Variants in ATAD3B observed in about 807,000 individuals in gnomAD.
ATAD3B encodes ATPase family AAA domain-containing protein 3B.
In ATAD3B, 59 loss-of-function variants were observed where a neutral mutation model predicts 70.2. The observed-to-expected ratio is 0.84, with a 90% CI of 0.68 to 1.04. The LOEUF (loss-of-function observed/expected upper bound fraction) is 1.04, where lower values mean the gene tolerates loss of function less well. Ranked by LOEUF, ATAD3B falls within the 50% of genes least tolerant of loss-of-function variation. The pLI, the probability that ATAD3B is intolerant of heterozygous loss-of-function variation, is 0.00. For missense variants in ATAD3B, 961 were observed against 913.4 expected (o/e 1.05, Z -0.67); for synonymous variants, 423 against 388.6 (o/e 1.09, Z -1.04).
chr1:1,492,036 A>G (rs1640564925), intron 15 of ATAD3B, among the ~76,000 whole-genome samples: 1 of 151,954 alleles, frequency 6.6e-6, no homozygotes, highest in South Asian at 2.1e-4. Flanking sequence ...AAATGAAAAA[A>G]TTGGCCGGAC....
chr1:1,494,037 G>A (rs1387748602), intron 15 of ATAD3B, among the ~76,000 whole-genome samples: 1 of 151,988 alleles, frequency 6.6e-6, no homozygotes. Context: ...TCAGGTCCAG[G>A]TCTTCTCTTT....
chr1:1,492,956 AAG>A (rs200430341), intron 15 of ATAD3B, among the ~76,000 whole-genome samples: 3,181 of 150,958 alleles, frequency 0.021, 143 homozygotes, highest in African/African-American at 0.073. Context: ...AAAAAAAAGA[AAG>A]AAATTAACCT....
At chr1:1,489,332 G>C (rs527434054) in intron 13 of ATAD3B, 58 bp downstream of exon 13, 28 of 1,609,886 alleles carry the variant, frequency 1.7e-5, no homozygotes, top group African/African-American at 9.4e-5. Context: ...CGTCGCCCTT[G>C]GTTCCCACTG....
chr1:1,498,101 G>T (rs1484371022), downstream of ATAD3B, among the ~76,000 whole-genome samples: 4 of 151,648 alleles, frequency 2.6e-5, no homozygotes, highest in Admixed American at 2.6e-4. Flanking sequence ...TCAGGAGTTC[G>T]AGACCAGCCC....
intron 15 of ATAD3B, among the ~76,000 whole-genome samples, chr1:1,491,633 G>C (rs1428920024): frequency 1.3e-5 from 2 of 152,050 alleles, no homozygotes; most frequent in African/African-American, 4.8e-5. Context: ...CGCCTCTGGG[G>C]TCCGCAGAGT....
Position 1,471,784 on chromosome 1 carries a change from C to T in ATAD3B, c.-101C>T. 4.1e-6 allele frequency: 5 copies of T among 1,218,708 alleles called. No homozygotes were observed. The East Asian group carries it at 1.0e-4, about 25-fold the overall frequency. The allele number at this position is 1,218,708 out of a possible 1,614,324, so 75.5% of individuals were successfully genotyped here. On this transcript the variant is annotated 5_prime_UTR_variant, in exon 1 of 16. Coordinates refer to ENST00000673477, the MANE Select transcript of ATAD3B (RefSeq NM_031921.6). Reference sequence around the variant, plus strand: ...GTGTGTGTTTCGCCTGCGCAGTGGTCCTGGCCACCGGCTCGCGGCGCGTGG... The same window carrying T: ...GTGTGTGTTTCGCCTGCGCAGTGGTTCTGGCCACCGGCTCGCGGCGCGTGG...
At chr1:1,480,183 A>ACCCCCCCCCCCCCCCCCCCCC in intron 4 of ATAD3B, among the ~76,000 whole-genome samples, 1 of 97,238 alleles carries the variant, frequency 1.0e-5, no homozygotes, top group East Asian at 3.9e-4. Flanking sequence ...ACGAGGGCAC[A>ACCCCCCCCCCCCCCCCCCCCC]CCCCCACCCC....
intron 15 of ATAD3B, among the ~76,000 whole-genome samples, chr1:1,493,346 C>T (rs1557431027): frequency 6.6e-6 from 1 of 151,998 alleles, no homozygotes. Flanking sequence ...CAGTTTTTCA[C>T]CACTGAGTAT....
chr1:1,505,416 C>CA, the ATAD3B span, among the ~76,000 whole-genome samples: 1 of 152,232 alleles, frequency 6.6e-6, no homozygotes, highest in Non-Finnish European at 1.5e-5. Context: ...CGCTGAAGCA[C>CA]AGCATCACAG....
At position 1,497,268 on chromosome 1, in the gene ATAD3B, GGT is replaced by G; in HGVS notation, c.*1455_*1456del. On this transcript the variant is annotated 3_prime_UTR_variant, in exon 16 of 16. Transcript: ENST00000673477. ...CTCTGAGCCCAGGCTGGAGTGCAGTGGTGTGATTATAGCTCACTGCAGCCTCG... is the reference window on the plus strand; with the variant it reads ...CTCTGAGCCCAGGCTGGAGTGCAGTGGTGATTATAGCTCACTGCAGCCTCG... The G allele has an allele frequency of 6.7e-6, 1 of 149,926 alleles. No homozygotes were observed. Among genetic ancestry groups the G allele is most frequent in the South Asian group, 2.2e-4 (1 of 4,650 alleles). The allele number at this position is 149,926 out of a possible 1,614,324, so 9.3% of individuals were successfully genotyped here. A position where few individuals can be genotyped will look rare whatever the true frequency, so the allele number is the denominator to read the frequency against.
chr1:1,507,271 T>G, the ATAD3B span, among the ~76,000 whole-genome samples: 549 of 152,292 alleles, frequency 3.6e-3, 7 homozygotes, highest in African/African-American at 0.013. Context: ...AGGAAAAGCT[T>G]CCAGTTTTTC....
chr1:1,481,797 C>G (rs1290403467), intron 5 of ATAD3B, among the ~76,000 whole-genome samples: 2 of 151,956 alleles, frequency 1.3e-5, no homozygotes, highest in African/African-American at 4.8e-5. Flanking sequence ...GCAGGGCCGG[C>G]CTGTGGCGCT....
intron 5 of ATAD3B, 146 bp downstream of exon 5, chr1:1,481,082 G>T: frequency 1.4e-6 from 2 of 1,450,390 alleles, no homozygotes; most frequent in Middle Eastern, 4.8e-4. Flanking sequence ...GCGGGGTGGG[G>T]CTCCCTCTCG....
chr1:1,501,944 T>G (rs1173435183), downstream of ATAD3B, among the ~76,000 whole-genome samples: 1 of 151,980 alleles, frequency 6.6e-6, no homozygotes, highest in African/African-American at 2.4e-5. Flanking sequence ...AGTGTCACTG[T>G]GTTGGCTCAC....
At chr1:1,474,938 T>TG (rs1300040011) in intron 1 of ATAD3B, among the ~76,000 whole-genome samples, 1 of 150,138 alleles carries the variant, frequency 6.7e-6, no homozygotes, top group Non-Finnish European at 1.5e-5. Context: ...TCCTAGTTCC[T>TG]GGGGGTTTTC....
rs915874613 is a variant in ATAD3B at position 1,471,915 on chromosome 1, C to A, written c.31C>A (p.Pro11Thr). Residue 11 changes from proline to threonine, a missense_variant, in exon 1 of 16, where the codon CCC (proline) becomes ACC (threonine). Coordinates refer to ENST00000673477, the MANE Select transcript of ATAD3B (RefSeq NM_031921.6). MSWLFGVNKG[P>T]KGEGAGPPPP... ...GTGGCTCTTCGGCGTTAACAAGGGC[C>A]CCAAGGGTGAAGGCGCGGGGCCGCC... 1 of 1,268,678 alleles carries A rather than the reference C, an allele frequency of 7.9e-7. No individual in the cohort carries two copies. Among genetic ancestry groups the A allele is most frequent in the Non-Finnish European group, 1.0e-6 (1 of 1,002,888 alleles). The allele number at this position is 1,268,678 out of a possible 1,614,324, so 78.6% of individuals were successfully genotyped here. A position where few individuals can be genotyped will look rare whatever the true frequency, so the allele number is the denominator to read the frequency against.
chr1:1,485,678 G>T, intron 8 of ATAD3B, 104 bp from the exon 9 acceptor site: 1 of 1,532,790 alleles, frequency 6.5e-7, no homozygotes, highest in Non-Finnish European at 8.9e-7. Context: ...GCTGTGCTTT[G>T]GGGCAGCTCC....
chr1:1,490,301 G>C lies in ATAD3B; in HGVS notation c.1382G>C (p.Cys461Ser). The change falls in exon 14 of 16, where the codon TGT (cysteine) becomes TCT (serine). Residue 461 changes from cysteine (C) to serine (S), a missense_variant. Physicochemically the swap from Cys to Ser is moderately radical, Grantham distance 112 (BLOSUM62 -1). This residue lies in a region of ATAD3B where 417 missense variants were observed against 335.0 expected (regional missense o/e 1.24). Coordinates refer to ENST00000673477, the MANE Select transcript of ATAD3B (RefSeq NM_031921.6). ...AGCAATCTGCCTGAGCAGTTCGACT[G>C]TGCCATCAACAGCCGCATTGACGTG... The part of the protein sequence containing the change: ...LASNLPEQFD[C>S]AINSRIDVMV... 1 of 1,613,172 alleles carries C rather than the reference G, an allele frequency of 6.2e-7. No homozygotes were observed.
intron 7 of ATAD3B, 80 bp downstream of exon 7, chr1:1,482,694 C>A (rs548925393): frequency 1.9e-6 from 3 of 1,603,526 alleles, no homozygotes; most frequent in East Asian, 4.5e-5. Context: ...AGGTCCTGTC[C>A]CTGCCGGCTC....
Sources: gnomAD v4.1 joint callset for allele counts (sites outside exome capture counted in the v4.1 genomes callset) on GRCh38, gnomAD v4.1.1 for gene constraint, gnomAD v4.1.1 regional missense constraint, MANE v1.5 for transcripts, NCBI Gene and HGNC (gene_info 2026-07-23, HGNC 2026-07-21) for gene names.